ATG3: variants seen among roughly 807,000 people sequenced by gnomAD.
The protein encoded by ATG3 is ubiquitin-like-conjugating enzyme ATG3.
A neutral mutation model predicts 50.7 loss-of-function variants in ATG3; 25 were observed. The observed-to-expected ratio is 0.49, with a 90% CI of 0.36 to 0.69. ATG3 has a LOEUF of 0.69. Among genes scored for constraint, ATG3 ranks in the 30% least tolerant of loss-of-function variants. The pLI is 0.00. For synonymous variants in ATG3, 119 were observed against 125.5 expected (o/e 0.95, Z 0.34); for missense variants, 281 against 376.0 (o/e 0.75, Z 2.09).
intron 5 of ATG3, among the ~76,000 whole-genome samples, chr3:112,546,930 T>A (rs915906430): frequency 1.3e-5 from 2 of 152,258 alleles, no homozygotes; most frequent in African/African-American, 2.4e-5. Context: ...CTCGACTCAT[T>A]AATAAGCCAA....
At chr3:112,543,510 C>G (rs868085181) in intron 6 of ATG3, among the ~76,000 whole-genome samples, 1 of 152,072 alleles carries the variant, frequency 6.6e-6, no homozygotes, top group Non-Finnish European at 1.5e-5. Flanking sequence ...TTGAATGATG[C>G]AAGCTAAAGT....
intron 6 of ATG3, among the ~76,000 whole-genome samples, chr3:112,543,560 C>T (rs1359806846): frequency 6.6e-6 from 1 of 151,990 alleles, no homozygotes; most frequent in African/African-American, 2.4e-5. Context: ...CCCCAAATTA[C>T]CAGTAATTGA....
In ATG3 at chr3:112,534,346, CAAA is replaced by C. The variant is rs11381118; in HGVS notation, c.795-12_795-10del. On this transcript the variant is annotated splice_polypyrimidine_tract_variant and intron_variant, in intron 10 of 11. Coordinates refer to ENST00000283290, the MANE Select transcript of ATG3 (RefSeq NM_022488.5). ...TCATCACCTCAGCATGCCTAGAAGCCAAAAAAAAAAAAAATTGTTAATGTAGAT... is the reference window on the plus strand; with the variant it reads ...TCATCACCTCAGCATGCCTAGAAGCCAAAAAAAAAAATTGTTAATGTAGAT... 1.5e-4 allele frequency: 196 copies of C among 1,277,626 alleles called. No homozygotes were observed. The highest frequency in any genetic ancestry group is 9.8e-4 in the South Asian group (57 of 58,398). The allele number at this position is 1,277,626 out of a possible 1,614,324, so 79.1% of individuals were successfully genotyped here.
chr3:112,559,351 A>AT (rs1933775524), intron 1 of ATG3, among the ~76,000 whole-genome samples: 1 of 152,210 alleles, frequency 6.6e-6, no homozygotes, highest in Non-Finnish European at 1.5e-5. Context: ...ATTTATAAAC[A>AT]TTATTCATTC....
At chr3:112,556,496 T>C (rs2107390757) in intron 2 of ATG3, among the ~76,000 whole-genome samples, 1 of 152,284 alleles carries the variant, frequency 6.6e-6, no homozygotes, top group East Asian at 1.9e-4. Flanking sequence ...GGAGCCCCTC[T>C]GCCCGGCCAC....
At chr3:112,541,200 A>C (rs368895458) in intron 7 of ATG3, among the ~76,000 whole-genome samples, 10 of 152,264 alleles carry the variant, frequency 6.6e-5, no homozygotes, top group African/African-American at 2.4e-4. Flanking sequence ...CATCCTGGCC[A>C]ACATGGTGAA....
At chr3:112,539,587 A>C (rs973736243) in intron 7 of ATG3, among the ~76,000 whole-genome samples, 4 of 152,178 alleles carry the variant, frequency 2.6e-5, no homozygotes, top group Admixed American at 1.3e-4. Context: ...CTTAACACTT[A>C]TAACTAATAC....
At chr3:112,533,704 A>G in intron 11 of ATG3, 1 of 985,360 alleles carries the variant, frequency 1.0e-6, no homozygotes, top group Non-Finnish European at 1.2e-6. Context: ...TTAGGATCCA[A>G]CAGTTTGCTT....
chr3:112,544,056 C>A lies in ATG3; in HGVS notation c.393+1G>T. 1.3e-6 allele frequency: 2 copies of A among 1,588,886 alleles called. No individual in the cohort carries two copies. Among genetic ancestry groups the A allele is most frequent in the Non-Finnish European group, 1.7e-6 (2 of 1,158,258 alleles). On this transcript the variant is annotated splice_donor_variant, in intron 6 of 11. Coordinates refer to ENST00000283290, the MANE Select transcript of ATG3 (RefSeq NM_022488.5). LOFTEE classifies it high-confidence loss of function. Reference sequence around the variant, plus strand: ...TAAAAATATAACTAATTAACCAGTACCTTATTTTCCAGTGTGATCTCTTTA... The same window carrying A: ...TAAAAATATAACTAATTAACCAGTAACTTATTTTCCAGTGTGATCTCTTTA...
In ATG3 at chr3:112,532,736, G is replaced by A. The variant is rs776889197; in HGVS notation, c.908C>T (p.Thr303Ile). The A allele has an allele frequency of 2.5e-6, 4 of 1,599,214 alleles. No homozygotes were observed. Among genetic ancestry groups the A allele is most frequent in the Non-Finnish European group, 3.4e-6 (4 of 1,172,626 alleles). ...GTGTCTTGTGTAGTCATATTCTATT[G>A]TTGGAATGACAGCTTGTACAAATTT... The part of the protein sequence containing the change: ...FLKFVQAVIP[T>I]IEYDYTRHFT... The change falls in exon 12 of 12, where the codon ACA becomes ATA. Residue 303 changes from threonine (T) to isoleucine (I), a missense_variant. By Grantham distance (89) the Thr-to-Ile change is moderately conservative. Transcript: ENST00000283290.
chr3:112,558,199 G>A (rs1362617983), intron 2 of ATG3, 177 bp downstream of exon 2: 11 of 570,942 alleles, frequency 1.9e-5, no homozygotes, highest in East Asian at 8.9e-5. Flanking sequence ...GCAAACTGAC[G>A]GGGAAGTTAC....
At chr3:112,553,358 A>G in intron 2 of ATG3, 29 bp from the exon 3 acceptor site, 2 of 1,598,388 alleles carry the variant, frequency 1.3e-6, no homozygotes, top group Non-Finnish European at 1.7e-6. Flanking sequence ...TAATATGAAA[A>G]AAAGGAAAAA....
chr3:112,546,135 TA>T (rs759377926), intron 5 of ATG3, among the ~76,000 whole-genome samples: 5 of 150,972 alleles, frequency 3.3e-5, no homozygotes, highest in African/African-American at 7.3e-5. Context: ...TCAATTCCTC[TA>T]AAAAAAACAC....
chr3:112,550,153 C>A, intron 4 of ATG3, 39 bp downstream of exon 4: 1 of 1,477,172 alleles, frequency 6.8e-7, no homozygotes, highest in Non-Finnish European at 9.3e-7. Context: ...TAATATACCT[C>A]TACGCAAAAT....
chr3:112,541,945 C>A lies in ATG3; in HGVS notation c.394-61G>T, dbSNP rs1031067366. 7.4e-6 allele frequency: 10 copies of A among 1,350,862 alleles called. No homozygotes were observed. In the African/African-American group the frequency reaches 1.5e-4, roughly 20 times the overall value. 83.7% of individuals were successfully genotyped at this position (1,350,862 alleles called of 1,614,324 possible). A position where few individuals can be genotyped will look rare whatever the true frequency, so the allele number is the denominator to read the frequency against. On this transcript the variant is annotated intron_variant, in intron 6 of 11. Transcript: ENST00000283290. ...TATACATTAATTTGAACACTGAACA[C>A]CCATGTGCTAGCACAGTGGTAACCA...
intron 4 of ATG3, 21 bp downstream of exon 4, chr3:112,550,171 T>C (rs1933491234): frequency 1.9e-6 from 3 of 1,569,938 alleles, no homozygotes; most frequent in Non-Finnish European, 2.6e-6. Context: ...AATTTATTCA[T>C]ATATGCAACA....
chr3:112,532,572 G>T lies in ATG3; in HGVS notation c.*127C>A. The T allele has an allele frequency of 1.7e-6, 1 of 576,112 alleles. No homozygotes were observed. Among genetic ancestry groups the T allele is most frequent in the Non-Finnish European group, 2.7e-6 (1 of 373,712 alleles). 35.7% of individuals were successfully genotyped at this position (576,112 alleles called of 1,614,324 possible). A position where few individuals can be genotyped will look rare whatever the true frequency, so the allele number is the denominator to read the frequency against. ...GTAGTGGAACATATTTTTATTTAAT[G>T]CATAAACATATAAGTCCCTTATTAG... On this transcript the variant is annotated 3_prime_UTR_variant, in exon 12 of 12. Coordinates refer to ENST00000283290, the MANE Select transcript of ATG3 (RefSeq NM_022488.5).
rs1187996318 is a variant in ATG3, at chr3:112,538,188, A to T, written c.476-8T>A. 2 of 1,569,584 alleles carry T rather than the reference A, an allele frequency of 1.3e-6. No individual in the cohort carries two copies. The highest frequency in any genetic ancestry group is 1.4e-5 in the African/African-American group (1 of 72,930). Reference sequence around the variant, plus strand: ...ATCCACTCTCTTCATATTCTGTTATAAAAAAACAACAAAAGATTAATCAAG... The same window carrying T: ...ATCCACTCTCTTCATATTCTGTTATTAAAAAACAACAAAAGATTAATCAAG... On this transcript the variant is annotated splice_region_variant and splice_polypyrimidine_tract_variant and intron_variant, in intron 7 of 11. Transcript: ENST00000283290.
chr3:112,561,405 T>C (rs2107399529), intron 1 of ATG3, 52 bp downstream of exon 1: 2 of 1,584,952 alleles, frequency 1.3e-6, no homozygotes, highest in Non-Finnish European at 1.7e-6. Flanking sequence ...GCCTGGTCCC[T>C]GAAAAGTCGA....
Sources: gnomAD v4.1 joint callset for allele counts (sites outside exome capture counted in the v4.1 genomes callset) on GRCh38, gnomAD v4.1.1 for gene constraint, MANE v1.5 for transcripts, NCBI Gene and HGNC (gene_info 2026-07-23, HGNC 2026-07-21) for gene names.